ATP2B2: variants seen among roughly 807,000 people sequenced by gnomAD.
ATP2B2 encodes plasma membrane calcium-transporting ATPase 2.
Under a neutral mutation model 120.0 loss-of-function variants are expected in ATP2B2, and 15 were observed. The observed-to-expected ratio is 0.12, with a 90% CI of 0.08 to 0.19. The LOEUF (loss-of-function observed/expected upper bound fraction) is 0.19. ATP2B2 is among the 10% of genes least tolerant of loss of function. ATP2B2 has a pLI of 1.00. For missense variants in ATP2B2, 1,045 were observed against 1,719.8 expected (o/e 0.61, Z 6.94); for synonymous variants, 694 against 700.3 (o/e 0.99, Z 0.14).
At chr3:10,353,794 G>C (rs1477710233) in intron 14 of ATP2B2, among the ~76,000 whole-genome samples, 1 of 152,182 alleles carries the variant, frequency 6.6e-6, no homozygotes, top group Non-Finnish European at 1.5e-5. Context: ...GTGCAGTGGA[G>C]AGAGGGCTTG....
At chr3:10,417,226 C>G (rs965353600) in intron 2 of ATP2B2, among the ~76,000 whole-genome samples, 38 of 146,436 alleles carry the variant, frequency 2.6e-4, no homozygotes, top group Middle Eastern at 4.1e-3. Flanking sequence ...ATTTCCCAGA[C>G]AGTGGGGCGG....
At chr3:10,610,074 CAT>C (rs1355926504) in intron 2 of ATP2B2, among the ~76,000 whole-genome samples, 13 of 65,514 alleles carry the variant, frequency 2.0e-4, no homozygotes, top group African/African-American at 2.8e-4. Context: ...CATATACACA[CAT>C]ACACACACAC....
At chr3:10,639,583 T>C (rs2070116283) in intron 1 of ATP2B2, among the ~76,000 whole-genome samples, 1 of 152,116 alleles carries the variant, frequency 6.6e-6, no homozygotes, top group Non-Finnish European at 1.5e-5. Flanking sequence ...ACCAGAACCT[T>C]GATGGATGGG....
intron 1 of ATP2B2, among the ~76,000 whole-genome samples, chr3:10,705,236 T>C (rs115126924): frequency 6.6e-6 from 1 of 152,212 alleles, no homozygotes; most frequent in South Asian, 2.1e-4. Flanking sequence ...CCATGTCCCA[T>C]AGCACCAGGC....
intron 3 of ATP2B2, among the ~76,000 whole-genome samples, chr3:10,513,920 G>A (rs1353134788): frequency 1.3e-5 from 2 of 152,146 alleles, no homozygotes; most frequent in African/African-American, 4.8e-5. Flanking sequence ...AGGGCAGCTG[G>A]GTAGGAGGGA....
intron 1 of ATP2B2, among the ~76,000 whole-genome samples, chr3:10,630,806 A>C (rs1212971861): frequency 1.4e-5 from 2 of 142,290 alleles, no homozygotes; most frequent in African/African-American, 5.1e-5. Flanking sequence ...CTATTAGCCC[A>C]ATTTGGCAAT....
chr3:10,376,442 T>G (rs1337638339), intron 10 of ATP2B2, among the ~76,000 whole-genome samples: 5 of 152,038 alleles, frequency 3.3e-5, no homozygotes. Flanking sequence ...TTTTTTTGGA[T>G]GAGGAAACTG....
chr3:10,423,744 T>C (rs2063063876), intron 2 of ATP2B2, among the ~76,000 whole-genome samples: 1 of 152,186 alleles, frequency 6.6e-6, no homozygotes, highest in Admixed American at 6.5e-5. Context: ...TCAGAGGCAG[T>C]GGATGCAGAG....
intron 2 of ATP2B2, among the ~76,000 whole-genome samples, chr3:10,586,243 C>G (rs980626598): frequency 1.3e-5 from 2 of 152,122 alleles, no homozygotes; most frequent in Admixed American, 6.5e-5. Context: ...AACCTGGGGC[C>G]CTTAGCTCAA....
intron 2 of ATP2B2, among the ~76,000 whole-genome samples, chr3:10,424,069 C>T (rs374348360): frequency 6.6e-6 from 1 of 152,208 alleles, no homozygotes; most frequent in African/African-American, 2.4e-5. Flanking sequence ...AGGACCAATG[C>T]CCCTCTCATA....
intron 1 of ATP2B2, among the ~76,000 whole-genome samples, chr3:10,497,662 C>T (rs549617219): frequency 2.0e-3 from 307 of 152,314 alleles, no homozygotes; most frequent in African/African-American, 7.1e-3. Context: ...CTGGGTCACA[C>T]AGCATGGAAA....
chr3:10,512,679 G>A (rs2066795932), intron 3 of ATP2B2, among the ~76,000 whole-genome samples: 1 of 152,230 alleles, frequency 6.6e-6, no homozygotes, highest in Non-Finnish European at 1.5e-5. Flanking sequence ...GAGCAGAGGG[G>A]CTGCGGGCTC....
At chr3:10,446,885 A>T (rs1025753029) in intron 2 of ATP2B2, among the ~76,000 whole-genome samples, 4 of 152,234 alleles carry the variant, frequency 2.6e-5, no homozygotes, top group Non-Finnish European at 5.9e-5. Context: ...CATTTTACAG[A>T]TGAGAAAACA....
chr3:10,434,248 C>T (rs530941546), intron 2 of ATP2B2, among the ~76,000 whole-genome samples: 80 of 152,292 alleles, frequency 5.3e-4, no homozygotes, highest in African/African-American at 1.4e-3. Context: ...CATTAGCAGA[C>T]GGGGGAAAGA....
intron 3 of ATP2B2, among the ~76,000 whole-genome samples, chr3:10,524,111 T>C (rs116451415): frequency 0.024 from 3,713 of 152,234 alleles, 117 homozygotes; most frequent in East Asian, 0.16. Flanking sequence ...ATGTGGCCAC[T>C]AGGTCATCCC....
intron 1 of ATP2B2, among the ~76,000 whole-genome samples, chr3:10,495,380 A>G (rs2125383042): frequency 6.6e-6 from 1 of 152,362 alleles, no homozygotes; most frequent in South Asian, 2.1e-4. Context: ...CAGAGGGGCT[A>G]TTCAAGAGGC....
chr3:10,463,588 G>A (rs932545010), intron 1 of ATP2B2, among the ~76,000 whole-genome samples: 4 of 152,196 alleles, frequency 2.6e-5, no homozygotes, highest in African/African-American at 4.8e-5. Context: ...GCGGGGTCAC[G>A]TAATTGTTGG....
chr3:10,332,476 T>A (rs181573922), intron 22 of ATP2B2, among the ~76,000 whole-genome samples: 1 of 152,348 alleles, frequency 6.6e-6, no homozygotes, highest in Non-Finnish European at 1.5e-5. Context: ...GGCTTTGCCT[T>A]GGATCGAAGT....
chr3:10,607,689 G>A (rs1247640737), intron 2 of ATP2B2, among the ~76,000 whole-genome samples: 1 of 152,242 alleles, frequency 6.6e-6, no homozygotes, highest in Non-Finnish European at 1.5e-5. Flanking sequence ...GAAAGGGGGT[G>A]CAACCCCAAG....
Sources: allele counts gnomAD v4.1 joint callset (sites outside exome capture counted in the v4.1 genomes callset), GRCh38; gene constraint gnomAD v4.1.1; transcripts MANE v1.5; gene names NCBI Gene and HGNC (gene_info 2026-07-23, HGNC 2026-07-21).